Variants in SEMA3E observed in about 807,000 individuals in gnomAD.
SEMA3E encodes the protein semaphorin-3E.
Under a neutral mutation model 93.6 loss-of-function variants are expected in SEMA3E, and 49 were observed. The observed-to-expected ratio is 0.52, with a 90% CI of 0.42 to 0.66. SEMA3E has a LOEUF of 0.66. Ranked by LOEUF, SEMA3E falls within the 30% of genes least tolerant of loss-of-function variation. SEMA3E has a pLI of 0.00. For synonymous variants in SEMA3E, 363 were observed against 330.7 expected (o/e 1.10, Z -1.06); for missense variants, 906 against 964.8 (o/e 0.94, Z 0.81).
chr7:83,518,635 T>C (rs952489234), intron 1 of SEMA3E, among the ~76,000 whole-genome samples: 6 of 152,172 alleles, frequency 3.9e-5, no homozygotes, highest in Admixed American at 2.0e-4. Flanking sequence ...TGATAATAGT[T>C]GACTATTACA....
intron 5 of SEMA3E, among the ~76,000 whole-genome samples, chr7:83,417,017 G>GA: frequency 1.0e-5 from 1 of 96,158 alleles, no homozygotes; most frequent in African/African-American, 3.8e-5. Context: ...ACACACACAG[G>GA]GAGAGAGAGA....
At chr7:83,388,273 C>T (rs1787924610) in intron 14 of SEMA3E, among the ~76,000 whole-genome samples, 1 of 147,846 alleles carries the variant, frequency 6.8e-6, no homozygotes, top group South Asian at 2.1e-4. Context: ...TGCACCACTG[C>T]ACTCCAGCCT....
intron 1 of SEMA3E, among the ~76,000 whole-genome samples, chr7:83,621,261 T>C (rs1262268442): frequency 6.6e-6 from 1 of 152,054 alleles, no homozygotes. Context: ...AAGAAGAGAA[T>C]AATATACCTA....
chr7:83,530,232 T>G (rs2115722057), intron 1 of SEMA3E, among the ~76,000 whole-genome samples: 1 of 152,236 alleles, frequency 6.6e-6, no homozygotes, highest in Admixed American at 6.5e-5. Flanking sequence ...TGTGAGTAGG[T>G]AATATGATTT....
chr7:83,515,493 T>C (rs1247384549), intron 1 of SEMA3E, among the ~76,000 whole-genome samples: 3 of 152,002 alleles, frequency 2.0e-5, no homozygotes, highest in African/African-American at 7.2e-5. Flanking sequence ...CTTAGAGGAG[T>C]GGAGAGTATG....
At position 83,366,060 on chromosome 7, in the gene SEMA3E, A is replaced by G. The variant is rs1217669039; in HGVS notation, c.*1526T>C. On this transcript the variant is annotated 3_prime_UTR_variant, in exon 17 of 17. Transcript: ENST00000643230. Reference sequence around the variant, plus strand: ...TGGTGACTTATCTGAATAAACTTAAATTTTTCTTAAAATATTTATGTATTT... The same window carrying G: ...TGGTGACTTATCTGAATAAACTTAAGTTTTTCTTAAAATATTTATGTATTT... 4 of 152,048 alleles carry G rather than the reference A, an allele frequency of 2.6e-5. No individual in the cohort carries two copies. Among genetic ancestry groups the G allele is most frequent in the Non-Finnish European group, 5.9e-5 (4 of 67,960 alleles). 9.4% of individuals were successfully genotyped at this position (152,048 alleles called of 1,614,324 possible). A position where few individuals can be genotyped will look rare whatever the true frequency, so the allele number is the denominator to read the frequency against.
intron 1 of SEMA3E, among the ~76,000 whole-genome samples, chr7:83,601,904 C>T (rs1793005917): frequency 1.3e-5 from 2 of 152,136 alleles, no homozygotes; most frequent in African/African-American, 4.8e-5. Flanking sequence ...CTTTCTTTCA[C>T]TTATAAATGA....
chr7:83,536,084 A>G (rs531542485), intron 1 of SEMA3E, among the ~76,000 whole-genome samples: 1 of 152,234 alleles, frequency 6.6e-6, no homozygotes, highest in South Asian at 2.1e-4. Context: ...AAATGGGGTA[A>G]TTCTTTCAAA....
At chr7:83,414,863 G>T (rs555349261) in intron 5 of SEMA3E, among the ~76,000 whole-genome samples, 2 of 151,856 alleles carry the variant, frequency 1.3e-5, no homozygotes, top group African/African-American at 4.8e-5. Context: ...AATTATACCT[G>T]GAATTGGTAA....
intron 4 of SEMA3E, among the ~76,000 whole-genome samples, chr7:83,465,402 C>A (rs940976598): frequency 2.6e-5 from 4 of 152,026 alleles, no homozygotes; most frequent in African/African-American, 9.7e-5. Context: ...ATAAAATCTC[C>A]CTATATAGAT....
chr7:83,526,053 G>T (rs1275507798), intron 1 of SEMA3E, among the ~76,000 whole-genome samples: 1 of 151,922 alleles, frequency 6.6e-6, no homozygotes, highest in African/African-American at 2.4e-5. Context: ...AGAGCTGCCA[G>T]CATTCTGAAG....
chr7:83,648,383 C>CTTTTTTTTTTTTTTTTTTTTTT, intron 1 of SEMA3E, 45 bp downstream of exon 1: 1 of 1,159,114 alleles, frequency 8.6e-7, no homozygotes, highest in Non-Finnish European at 1.2e-6. Flanking sequence ...TTTTCTTTTT[C>CTTTTTTTTTTTTTTTTTTTTTT]TTTTTTTTTT....
chr7:83,395,727 T>C (rs1788106480), intron 12 of SEMA3E, among the ~76,000 whole-genome samples: 1 of 151,950 alleles, frequency 6.6e-6, no homozygotes, highest in Non-Finnish European at 1.5e-5. Context: ...TGCTGTTTAA[T>C]GTTCCTAAAT....
chr7:83,543,918 A>G (rs1791589170), intron 1 of SEMA3E, among the ~76,000 whole-genome samples: 1 of 152,086 alleles, frequency 6.6e-6, no homozygotes, highest in Non-Finnish European at 1.5e-5. Context: ...GTTTACCTTA[A>G]CGTTTAATCT....
In SEMA3E at chr7:83,418,476, A is replaced by C; in HGVS notation, c.464T>G (p.Leu155Arg). The part of the protein sequence containing the change: ...IRVGYHLEDP[L>R]FHLESPRSER... ...AGATCTGGGTGATTCCAGGTGAAAC[A>C]GAGGATCCTTGAAAGAAAACCAGAA... is the stretch of plus-strand genomic sequence containing the variant. The change falls in exon 5 of 17, where the codon CTG becomes CGG. Residue 155 changes from leucine (L) to arginine (R), a missense_variant. Transcript: ENST00000643230. The C allele has an allele frequency of 2.5e-6, 4 of 1,610,128 alleles. No individual in the cohort carries two copies. The South Asian group carries it at 4.4e-5, about 18-fold the overall frequency.
rs757026243 is a variant in SEMA3E, at chr7:83,427,200, CTTT to C, written c.457-8720_457-8718del. The stretch of plus-strand genomic sequence containing the variant: ...TCTTTCTTCCTTCCTTCCTTTCCTT[CTTT>C]TTTTCTTTTTTCTTTCTTTCTTTCC... On this transcript the variant is annotated intron_variant, in intron 4 of 16. Coordinates refer to ENST00000643230, the MANE Select transcript of SEMA3E (RefSeq NM_012431.3). Among the ~76,000 whole-genome samples the C allele has an allele frequency of 7.3e-5, 11 of 151,696 alleles. No individual in the cohort carries two copies. In the South Asian group the frequency reaches 2.1e-3, roughly 29 times the overall value.
At chr7:83,500,169 G>A (rs1387894646) in intron 1 of SEMA3E, among the ~76,000 whole-genome samples, 5 of 152,172 alleles carry the variant, frequency 3.3e-5, no homozygotes, top group Admixed American at 6.5e-5. Flanking sequence ...CGGGCGTGGC[G>A]GCTCGCACCT....
chr7:83,453,373 A>G (rs1006039287), intron 4 of SEMA3E, among the ~76,000 whole-genome samples: 12 of 151,692 alleles, frequency 7.9e-5, no homozygotes, highest in African/African-American at 2.9e-4. Context: ...TTCGCATTTA[A>G]CTTTCAATAT....
At chr7:83,613,494 CA>C (rs1362413381) in intron 1 of SEMA3E, among the ~76,000 whole-genome samples, 2 of 151,970 alleles carry the variant, frequency 1.3e-5, no homozygotes, top group African/African-American at 4.8e-5. Flanking sequence ...ATTGAACTAA[CA>C]AAGAGCCCTA....
Sources: gnomAD v4.1 joint callset for allele counts (sites outside exome capture counted in the v4.1 genomes callset) on GRCh38, gnomAD v4.1.1 for gene constraint, MANE v1.5 for transcripts, NCBI Gene and HGNC (gene_info 2026-07-23, HGNC 2026-07-21) for gene names.